GOSR2: variants seen among roughly 807,000 people sequenced by gnomAD.
GOSR2 encodes golgi SNAP receptor complex member 2.
In GOSR2, 20 loss-of-function variants were observed where a neutral mutation model predicts 27.9. The ratio of observed to expected loss-of-function variants is 0.72; its 90% CI spans 0.50 to 1.04. The LOEUF (loss-of-function observed/expected upper bound fraction) is 1.04, where lower values mean the gene tolerates loss of function less well. Ranked by LOEUF, GOSR2 falls within the 50% of genes least tolerant of loss-of-function variation. The probability of loss-of-function intolerance (pLI) is 0.00; values close to 1 mark genes in which losing one functional copy is unlikely to be tolerated. For synonymous variants in GOSR2, 91 were observed against 98.8 expected (o/e 0.92, Z 0.47); for missense variants, 261 against 270.5 (o/e 0.97, Z 0.25).
chr17:46,943,179 G>A (rs1158608337), downstream of GOSR2, among the ~76,000 whole-genome samples: 14 of 152,144 alleles, frequency 9.2e-5, no homozygotes, highest in African/African-American at 1.9e-4. Context: ...TGGCCGCACC[G>A]TGGGAACCAC....
chr17:46,973,821 CAT>C (rs148988806), intron 6 of GOSR2, among the ~76,000 whole-genome samples: 25,358 of 151,976 alleles, frequency 0.17, 2,394 homozygotes, highest in East Asian at 0.24. Context: ...GCGTGCGACA[CAT>C]GTGTACACGT....
At chr17:46,936,010 GCTCCACAGGA>G in intron 5 of GOSR2, 1 of 985,810 alleles carries the variant, frequency 1.0e-6, no homozygotes, top group Non-Finnish European at 1.2e-6. Context: ...GAGTCTGTCA[GCTCCACAGGA>G]CTTCAGTACG....
intron 5 of GOSR2, chr17:46,937,833 CT>C (rs1424425543): frequency 1.3e-5 from 2 of 152,414 alleles, no homozygotes; most frequent in African/African-American, 4.8e-5. Flanking sequence ...GTTCATTCAT[CT>C]TGTGATTAGT....
intron 1 of GOSR2, among the ~76,000 whole-genome samples, chr17:46,924,021 T>C (rs2086119917): frequency 6.6e-6 from 1 of 152,230 alleles, no homozygotes; most frequent in Non-Finnish European, 1.5e-5. Context: ...AATTTTTAAG[T>C]GTACAATTCA....
intron 6 of GOSR2, among the ~76,000 whole-genome samples, chr17:46,965,228 T>C (rs1599251107): frequency 6.6e-6 from 1 of 152,348 alleles, no homozygotes; most frequent in Admixed American, 6.5e-5. Context: ...CTCACTGCAA[T>C]TGCAAACCTG....
chr17:46,941,740 AT>A lies in GOSR2; in HGVS notation c.*2996del, dbSNP rs199529204. The A allele has an allele frequency of 0.13, 19,602 of 149,642 alleles. 1,177 individuals are homozygous for A. The highest frequency in any genetic ancestry group is 0.19 in the African/African-American group (7,452 of 38,644). The allele number at this position is 149,642 out of a possible 1,614,324, so 9.3% of individuals were successfully genotyped here. A position where few individuals can be genotyped will look rare whatever the true frequency, so the allele number is the denominator to read the frequency against. ...AAGTGTGTGCCACCATGTCTGGCTAATTTTTTTTTTTTTTTTGTATTTTTTA... is the reference window on the plus strand; with the variant it reads ...AAGTGTGTGCCACCATGTCTGGCTAATTTTTTTTTTTTTTTGTATTTTTTA... On this transcript the variant is annotated 3_prime_UTR_variant, in exon 6 of 6. Coordinates refer to ENST00000640051, the MANE Select transcript of GOSR2 (RefSeq NM_004287.5).
rs757651569 is a variant in GOSR2, at chr17:46,940,549, C to T, written c.*1789C>T. ...ACTGCGACGGCAAGGCTGTCCTGTC[C>T]CCCAGGCACCCAAGGATCCTGCCAG... On this transcript the variant is annotated 3_prime_UTR_variant, in exon 6 of 6. Transcript: ENST00000640051. 6.2e-7 allele frequency: 1 copy of T among 1,614,072 alleles called. No homozygotes were observed. The highest frequency in any genetic ancestry group is 1.7e-5 in the Admixed American group (1 of 60,030).
intron 6 of GOSR2, among the ~76,000 whole-genome samples, chr17:46,974,803 G>A (rs530143223): frequency 3.3e-5 from 5 of 151,710 alleles, no homozygotes; most frequent in South Asian, 2.1e-4. Flanking sequence ...TTCTAGCTGC[G>A]CTACCTCAGG....
At chr17:46,933,844 G>A (rs1276239867) in intron 4 of GOSR2, among the ~76,000 whole-genome samples, 1 of 151,614 alleles carries the variant, frequency 6.6e-6, no homozygotes, top group Admixed American at 6.6e-5. Flanking sequence ...TGAGCCTGTG[G>A]TCCCAACTAC....
At chr17:46,946,151 G>T (rs1018511001), downstream of GOSR2, among the ~76,000 whole-genome samples, 7 of 152,082 alleles carry the variant, frequency 4.6e-5, no homozygotes, top group East Asian at 7.7e-4. Context: ...AATTAAAAAT[G>T]TAGGCTGGGC....
At chr17:46,949,775 C>T (rs754037421) in intron 6 of GOSR2, among the ~76,000 whole-genome samples, 9 of 152,072 alleles carry the variant, frequency 5.9e-5, no homozygotes, top group Non-Finnish European at 1.3e-4. Flanking sequence ...GGAGCCTGGG[C>T]GGACGGTCTC....
At chr17:46,951,445 C>A (rs980245111) in intron 6 of GOSR2, among the ~76,000 whole-genome samples, 1 of 152,238 alleles carries the variant, frequency 6.6e-6, no homozygotes, top group Non-Finnish European at 1.5e-5. Flanking sequence ...CGCCAGCCCA[C>A]GTCTCCAGAT....
chr17:46,958,368 G>C (rs917400395), intron 6 of GOSR2, among the ~76,000 whole-genome samples: 26 of 152,240 alleles, frequency 1.7e-4, no homozygotes, highest in African/African-American at 6.3e-4. Flanking sequence ...CCTGACAGTT[G>C]CAACAGCGGG....
chr17:46,959,545 T>TG (rs2090934986), intron 6 of GOSR2, among the ~76,000 whole-genome samples: 1 of 151,650 alleles, frequency 6.6e-6, no homozygotes, highest in African/African-American at 2.4e-5. Context: ...CCCAGGTTTT[T>TG]GGGAAAAAAA....
At chr17:46,953,611 A>G (rs1439087046) in intron 6 of GOSR2, among the ~76,000 whole-genome samples, 2 of 152,200 alleles carry the variant, frequency 1.3e-5, no homozygotes, top group African/African-American at 4.8e-5. Flanking sequence ...TAGATCCCTG[A>G]GGAATCGCCA....
chr17:46,931,097 A>G lies in GOSR2; in HGVS notation c.95-2A>G, dbSNP rs751429217. On this transcript the variant is annotated splice_acceptor_variant, in intron 2 of 5. Transcript: ENST00000640051. LOFTEE classifies it high-confidence loss of function. ...AATTATTCTTTTTTCTTTTTTGTAC[A>G]GTAGTAGAAAACGAAATCCAAGCAA... The G allele has an allele frequency of 6.9e-7, 1 of 1,456,706 alleles. No homozygotes were observed. The highest frequency in any genetic ancestry group is 9.6e-7 in the Non-Finnish European group (1 of 1,037,218). 90.2% of individuals were successfully genotyped at this position (1,456,706 alleles called of 1,614,324 possible).
chr17:46,938,903 A>G lies in GOSR2; in HGVS notation c.*143A>G, dbSNP rs1302549202. 2.6e-5 allele frequency: 40 copies of G among 1,532,530 alleles called. No homozygotes were observed. The East Asian group carries it at 9.7e-4, about 37-fold the overall frequency. 94.9% of individuals were successfully genotyped at this position (1,532,530 alleles called of 1,614,324 possible). A position where few individuals can be genotyped will look rare whatever the true frequency, so the allele number is the denominator to read the frequency against. On this transcript the variant is annotated 3_prime_UTR_variant, in exon 6 of 6. Transcript: ENST00000640051. ...AGACACTTGGGAGTGATTGTGGTCT[A>G]ATTTCCAACCTGCTCTGTTTTCTGT...
At chr17:46,936,520 C>T (rs2088394875) in intron 5 of GOSR2, 1 of 985,608 alleles carries the variant, frequency 1.0e-6, no homozygotes, top group South Asian at 4.7e-5. Context: ...CTCCACCTGC[C>T]TCACACCCTG....
chr17:46,948,061 G>A lies in GOSR2; in HGVS notation c.583+9357G>A, dbSNP rs1568199377. Among the ~76,000 whole-genome samples the A allele has an allele frequency of 4.6e-5, 7 of 151,234 alleles. No individual in the cohort carries two copies. In the South Asian group the frequency reaches 1.3e-3, roughly 27 times the overall value. On this transcript the variant is annotated intron_variant, in intron 6 of 6. Coordinates refer to the GOSR2 transcript ENST00000573224. ...GCTGGGATTACAGACGTGAGCCACC[G>A]CGCCCAGCCTAGAAGTGATTTTTGT...
Sources: allele counts gnomAD v4.1 joint callset (sites outside exome capture counted in the v4.1 genomes callset), GRCh38; gene constraint gnomAD v4.1.1; transcripts MANE v1.5; gene names NCBI Gene and HGNC (gene_info 2026-07-23, HGNC 2026-07-21).